The following PTPN4 variants were observed in gnomAD, a reference collection of about 807,000 sequenced individuals.
The protein encoded by PTPN4 is tyrosine-protein phosphatase non-receptor type 4.
Under a neutral mutation model 135.5 loss-of-function variants are expected in PTPN4, and 49 were observed. That is an observed-to-expected ratio of 0.36 (90% confidence interval 0.29 to 0.46). The LOEUF is 0.46. Ranked by LOEUF, PTPN4 falls within the 20% of genes least tolerant of loss-of-function variation. PTPN4 has a pLI of 1.00. For missense variants in PTPN4, 860 were observed against 1,101.0 expected (o/e 0.78, Z 3.10); for synonymous variants, 333 against 369.9 (o/e 0.90, Z 1.14).
intron 9 of PTPN4, among the ~76,000 whole-genome samples, chr2:119,898,586 ACT>A (rs1217794007): frequency 1.3e-5 from 2 of 152,012 alleles, no homozygotes; most frequent in African/African-American, 4.8e-5. Flanking sequence ...AAATAGCTCT[ACT>A]CTCTGTTACT....
chr2:119,900,949 G>A (rs1027010411), intron 10 of PTPN4, 143 bp downstream of exon 10: 9 of 445,320 alleles, frequency 2.0e-5, no homozygotes, highest in Non-Finnish European at 2.4e-5. Context: ...CACTTAGTTA[G>A]CACCTACCAG....
Position 119,981,652 on chromosome 2 carries a change from A to G in PTPN4, c.*4582A>G, listed in dbSNP as rs1679696651. 1 of 152,036 alleles carries G rather than the reference A, an allele frequency of 6.6e-6. No homozygotes were observed. Among genetic ancestry groups the G allele is most frequent in the African/African-American group, 2.4e-5 (1 of 41,422 alleles). 9.4% of individuals were successfully genotyped at this position (152,036 alleles called of 1,614,324 possible). ...TTAAGAACCCAGTAAATTAATCCCT[A>G]ATTTGTATGTTTTTTGTTCAACTTA... On this transcript the variant is annotated 3_prime_UTR_variant, in exon 27 of 27. Coordinates refer to ENST00000263708, the MANE Select transcript of PTPN4 (RefSeq NM_002830.4).
rs1325999091 is a variant in PTPN4 at position 119,946,560 on chromosome 2, G to A, written c.1642G>A (p.Ala548Thr). ...GATGCCTGTGATTGTGTCTCGAGTA[G>A]CACCAGGAACACCTGTGAGTTATCT... ...QKMPVIVSRV[A>T]PGTPADLCVP... The change falls in exon 18 of 27, where the codon GCA becomes ACA. Residue 548 changes from alanine (A) to threonine (T), a missense_variant. Around this residue, in one of 2 missense-constraint regions of PTPN4, gnomAD observed 684 missense variants for 807.0 expected, o/e 0.85. Coordinates refer to ENST00000263708, the MANE Select transcript of PTPN4 (RefSeq NM_002830.4). 6.2e-7 allele frequency: 1 copy of A among 1,605,128 alleles called. No individual in the cohort carries two copies. The highest frequency in any genetic ancestry group is 8.5e-7 in the Non-Finnish European group (1 of 1,174,466).
At chr2:119,899,437 T>G (rs1335166640) in intron 9 of PTPN4, among the ~76,000 whole-genome samples, 1 of 152,210 alleles carries the variant, frequency 6.6e-6, no homozygotes, top group African/African-American at 2.4e-5. Context: ...GGCTGTGGTT[T>G]TATGAATTTT....
At chr2:119,801,500 G>A (rs145086142) in intron 1 of PTPN4, among the ~76,000 whole-genome samples, 72 of 152,254 alleles carry the variant, frequency 4.7e-4, no homozygotes, top group South Asian at 1.0e-3. Context: ...GAGAATTGAC[G>A]TGTTTACTAG....
At chr2:119,774,765 G>A (rs1198766915) in intron 1 of PTPN4, among the ~76,000 whole-genome samples, 9 of 152,234 alleles carry the variant, frequency 5.9e-5, no homozygotes, top group East Asian at 3.9e-4. Context: ...GGTGGCTTAT[G>A]CCTATAATCC....
chr2:119,764,987 C>T (rs1329490286), intron 1 of PTPN4, among the ~76,000 whole-genome samples: 1 of 152,032 alleles, frequency 6.6e-6, no homozygotes, highest in African/African-American at 2.4e-5. Context: ...GGAGTCAAAT[C>T]TGGTGTGGAA....
chr2:119,967,575 A>G (rs1234525086), intron 25 of PTPN4, among the ~76,000 whole-genome samples: 1 of 152,214 alleles, frequency 6.6e-6, no homozygotes. Flanking sequence ...TTCCTTGTTC[A>G]GATTTTAAAA....
At chr2:119,942,721 A>G (rs566834038) in intron 15 of PTPN4, among the ~76,000 whole-genome samples, 1 of 152,250 alleles carries the variant, frequency 6.6e-6, no homozygotes, top group Non-Finnish European at 1.5e-5. Context: ...TGCCTTTTAA[A>G]AATGTTGCAT....
chr2:119,948,378 CT>C (rs1171334119), intron 18 of PTPN4, among the ~76,000 whole-genome samples: 1 of 151,912 alleles, frequency 6.6e-6, no homozygotes, highest in Non-Finnish European at 1.5e-5. Flanking sequence ...TCTTAACAGT[CT>C]TATAAACCTA....
intron 9 of PTPN4, among the ~76,000 whole-genome samples, chr2:119,898,672 A>G (rs1235888323): frequency 6.6e-6 from 1 of 152,158 alleles, no homozygotes; most frequent in East Asian, 1.9e-4. Flanking sequence ...AAAGCAAAAT[A>G]AGGTATTTTA....
chr2:119,885,776 C>T lies in PTPN4; in HGVS notation c.588-19C>T. The T allele has an allele frequency of 6.7e-7, 1 of 1,495,008 alleles. No homozygotes were observed. 92.6% of individuals were successfully genotyped at this position (1,495,008 alleles called of 1,614,324 possible). On this transcript the variant is annotated intron_variant, in intron 8 of 26. Transcript: ENST00000263708. Reference sequence around the variant, plus strand: ...ATTGATTGATTGATCTCATTTTTAACTTAATGATGTCTTTATAGAGGCTTA... The same window carrying T: ...ATTGATTGATTGATCTCATTTTTAATTTAATGATGTCTTTATAGAGGCTTA...
intron 1 of PTPN4, among the ~76,000 whole-genome samples, chr2:119,767,922 T>C (rs1233187058): frequency 6.6e-6 from 1 of 152,198 alleles, no homozygotes; most frequent in African/African-American, 2.4e-5. Context: ...GGAATTCTTA[T>C]GTGAGAAGAT....
chr2:119,836,791 C>T (rs1259216397), intron 2 of PTPN4, among the ~76,000 whole-genome samples: 6 of 152,222 alleles, frequency 3.9e-5, no homozygotes, highest in Admixed American at 1.3e-4. Flanking sequence ...GGTGCTGTGG[C>T]GACCTAGCTG....
chr2:119,858,571 A>C (rs1411253715), intron 2 of PTPN4, among the ~76,000 whole-genome samples: 1 of 151,830 alleles, frequency 6.6e-6, no homozygotes, highest in African/African-American at 2.4e-5. Context: ...AATGAATGTC[A>C]CCTCATTTTT....
At chr2:119,852,305 C>G (rs990396736) in intron 2 of PTPN4, among the ~76,000 whole-genome samples, 2 of 152,162 alleles carry the variant, frequency 1.3e-5, no homozygotes, top group Non-Finnish European at 2.9e-5. Flanking sequence ...CGGTCTGACC[C>G]CAGCCAACAG....
chr2:119,882,990 AGAG>A (rs1267042041), intron 8 of PTPN4, among the ~76,000 whole-genome samples: 1 of 152,172 alleles, frequency 6.6e-6, no homozygotes. Flanking sequence ...TAGTGAGCCA[AGAG>A]GAGAACAGGA....
Position 119,822,364 on chromosome 2 carries a change from CTT to C in PTPN4, c.138+12384_138+12385del, listed in dbSNP as rs35674640. ...GTGTATTAGTATCCCCTCCCCCCCC[CTT>C]TTTTTTTTTTGAGATGGATTCTCAT... On this transcript the variant is annotated intron_variant, in intron 2 of 26. Transcript: ENST00000263708. 2.3e-3 allele frequency among the ~76,000 whole-genome samples: 275 copies of C among 117,802 alleles called. 4 individuals carry two copies. The East Asian group carries it at 0.058, about 25-fold the overall frequency. The allele number at this position is 117,802 out of a possible 152,430, so 77.3% of individuals were successfully genotyped here.
At chr2:119,963,025 CAACTGTT>C (rs1679391101) in intron 24 of PTPN4, among the ~76,000 whole-genome samples, 1 of 152,000 alleles carries the variant, frequency 6.6e-6, no homozygotes, top group African/African-American at 2.4e-5. Context: ...TTATTCAGAA[CAACTGTT>C]TAGATATGTT....
Sources: gnomAD v4.1 joint callset for allele counts (sites outside exome capture counted in the v4.1 genomes callset) on GRCh38, gnomAD v4.1.1 for gene constraint, gnomAD v4.1.1 regional missense constraint, MANE v1.5 for transcripts, NCBI Gene and HGNC (gene_info 2026-07-23, HGNC 2026-07-21) for gene names.